Variants in TRPM6 observed in about 807,000 individuals in gnomAD.
TRPM6 encodes the protein transient receptor potential cation channel subfamily M member 6, also known as channel kinase 2.
In TRPM6, 111 loss-of-function variants were observed where a neutral mutation model predicts 247.6. The observed-to-expected ratio is 0.45, with a 90% confidence interval of 0.38 to 0.52. The LOEUF is 0.52. Among genes scored for constraint, TRPM6 ranks in the 20% least tolerant of loss-of-function variants. The pLI is 0.00. For synonymous variants in TRPM6, 892 were observed against 853.8 expected (o/e 1.04, Z -0.78); for missense variants, 2,126 against 2,421.5 (o/e 0.88, Z 2.56).
In TRPM6 at chr9:74,828,357, GA is replaced by G. The variant is rs201267606; in HGVS notation, c.670-409del. On this transcript the variant is annotated intron_variant, in intron 6 of 38. Transcript: ENST00000360774. Reference sequence around the variant, plus strand: ...ACAGAACGAGACTCCGTCTCAAAAAGAAAAAAAAAAAGTATTACTTGCAATT... The same window carrying G: ...ACAGAACGAGACTCCGTCTCAAAAAGAAAAAAAAAAGTATTACTTGCAATT... Among the ~76,000 whole-genome samples, 1,480 of 143,242 alleles carry G rather than the reference GA, an allele frequency of 0.01. 57 individuals carry two copies. In the East Asian group the frequency reaches 0.15, roughly 15 times the overall value. The allele number at this position is 143,242 out of a possible 152,430, so 94.0% of individuals were successfully genotyped here.
At chr9:74,819,180 GC>G (rs1487453922) in intron 9 of TRPM6, among the ~76,000 whole-genome samples, 15 of 152,092 alleles carry the variant, frequency 9.9e-5, no homozygotes, top group South Asian at 6.2e-4. Context: ...ATGGTGGCAT[GC>G]ACCTGTAGTC....
intron 23 of TRPM6, among the ~76,000 whole-genome samples, chr9:74,779,897 GGC>G: frequency 6.6e-6 from 1 of 152,222 alleles, no homozygotes; most frequent in South Asian, 2.1e-4. Flanking sequence ...GTGACGGCTG[GGC>G]GCAGTGGCTC....
intron 21 of TRPM6, 127 bp downstream of exon 21, chr9:74,785,747 T>C (rs750231903): frequency 8.9e-6 from 9 of 1,011,762 alleles, no homozygotes; most frequent in African/African-American, 3.2e-5. Flanking sequence ...ATGTTCTTGA[T>C]CTCCTGACCT....
chr9:74,793,691 G>T (rs1055622410), intron 18 of TRPM6, among the ~76,000 whole-genome samples: 1 of 152,186 alleles, frequency 6.6e-6, no homozygotes, highest in Admixed American at 6.5e-5. Flanking sequence ...TTAGGATTCT[G>T]ACCTTCGATA....
chr9:74,885,974 C>T (rs1831517002), intron 1 of TRPM6, among the ~76,000 whole-genome samples: 1 of 152,120 alleles, frequency 6.6e-6, no homozygotes, highest in Non-Finnish European at 1.5e-5. Context: ...ATATTTCAGG[C>T]ACAGTATTTA....
At chr9:74,744,045 A>T in intron 32 of TRPM6, 50 bp downstream of exon 32, 1 of 1,565,416 alleles carries the variant, frequency 6.4e-7, no homozygotes, top group Non-Finnish European at 8.8e-7. Context: ...CAAATGCAGA[A>T]GCACAGACAT....
intron 21 of TRPM6, among the ~76,000 whole-genome samples, chr9:74,785,039 T>G (rs1827596134): frequency 6.6e-6 from 1 of 151,848 alleles, no homozygotes; most frequent in African/African-American, 2.4e-5. Context: ...CCTGGGAGGG[T>G]GAGGGTGCAG....
chr9:74,730,565 T>A lies in TRPM6; in HGVS notation c.5828+2120A>T, dbSNP rs191090065. ...TAACCCGTGAAAGCACTTGCTTAAATCAGTGCTTCCCAAACTTTAATTTAC... is the reference window on the plus strand; with the variant it reads ...TAACCCGTGAAAGCACTTGCTTAAAACAGTGCTTCCCAAACTTTAATTTAC... On this transcript the variant is annotated intron_variant, in intron 37 of 38. Transcript: ENST00000360774. Among the ~76,000 whole-genome samples the A allele has an allele frequency of 9.7e-4, 148 of 152,306 alleles. 1 individual carries two copies. Among genetic ancestry groups the A allele is most frequent in the Non-Finnish European group, 1.8e-3 (124 of 68,024 alleles).
At chr9:74,748,871 A>C (rs1826140478) in intron 30 of TRPM6, among the ~76,000 whole-genome samples, 1 of 152,184 alleles carries the variant, frequency 6.6e-6, no homozygotes, top group South Asian at 2.1e-4. Context: ...GTGTAGAGTA[A>C]TGTCCTGGGC....
intron 23 of TRPM6, 125 bp downstream of exon 23, chr9:74,782,237 A>G: frequency 1.4e-6 from 1 of 700,248 alleles, no homozygotes; most frequent in Admixed American, 2.8e-5. Flanking sequence ...ATATTTCAAA[A>G]CAATAATAAT....
Position 74,778,508 on chromosome 9 carries a change from C to A in TRPM6, c.3210-2432G>T, listed in dbSNP as rs181173054. Among the ~76,000 whole-genome samples the A allele has an allele frequency of 3.7e-4, 57 of 152,308 alleles. 1 individual carries two copies. Among genetic ancestry groups the A allele is most frequent in the Middle Eastern group, 6.8e-3 (2 of 294 alleles). ...CCTCCATAATAGGCAGGAGAGTTCTCAAAGCAATGTTCCACTGATCCCTGG... is the reference window on the plus strand; with the variant it reads ...CCTCCATAATAGGCAGGAGAGTTCTAAAAGCAATGTTCCACTGATCCCTGG... On this transcript the variant is annotated intron_variant, in intron 23 of 38. Coordinates refer to ENST00000360774, the MANE Select transcript of TRPM6 (RefSeq NM_017662.5).
At chr9:74,747,297 AG>A (rs1302587678) in intron 31 of TRPM6, among the ~76,000 whole-genome samples, 9 of 152,228 alleles carry the variant, frequency 5.9e-5, no homozygotes, top group Non-Finnish European at 1.2e-4. Context: ...GCTGAGGAGA[AG>A]GAATCAACTG....
Position 74,854,818 on chromosome 9 carries a change from C to T in TRPM6, c.152+709G>A, listed in dbSNP as rs76092058. On this transcript the variant is annotated intron_variant, in intron 3 of 38. Coordinates refer to ENST00000360774, the MANE Select transcript of TRPM6 (RefSeq NM_017662.5). ...AGCTGAGTATACAGGCACACACCAA[C>T]AAGTCCCGCTACAATTTTTTGGGTT... Among the ~76,000 whole-genome samples the T allele has an allele frequency of 1.9e-3, 295 of 152,238 alleles. 2 individuals are homozygous for T. The highest frequency in any genetic ancestry group is 6.9e-3 in the African/African-American group (288 of 41,550).
In TRPM6 at chr9:74,782,665, A is replaced by G. The variant is rs757667667; in HGVS notation, c.3094+14T>C. The G allele has an allele frequency of 4.3e-6, 7 of 1,613,916 alleles. No individual in the cohort carries two copies. In the Admixed American group the frequency reaches 1.2e-4, roughly 27 times the overall value. On this transcript the variant is annotated intron_variant, in intron 22 of 38. Transcript: ENST00000360774. Reference sequence around the variant, plus strand: ...AGGCACAATTTCTGCATGACGGTAAAATCCCATACACACCATCTATTTCTC... The same window carrying G: ...AGGCACAATTTCTGCATGACGGTAAGATCCCATACACACCATCTATTTCTC...
chr9:74,812,459 T>C (rs1173938944), intron 11 of TRPM6, 26 bp from the exon 12 acceptor site: 1 of 1,599,140 alleles, frequency 6.3e-7, no homozygotes, highest in African/African-American at 1.4e-5. Flanking sequence ...ATAAGAAATA[T>C]AAAGACAATT....
rs761281576 is a variant in TRPM6, at chr9:74,796,802, A to G, written c.2330T>C (p.Phe777Ser). ...GTCACTGTAATACCACATAAATTGG[A>G]AGTCCTGGGACTGGGGAACATGTGA... ...EMSHVPQSQD[F>S]QFMWYYSDQN... Residue 777 changes from phenylalanine to serine, a missense_variant, in exon 18 of 39, where the codon TTC (phenylalanine) becomes TCC (serine). Phe to Ser is a radical substitution (Grantham distance 155). This residue lies in a region of TRPM6 where 1,082 missense variants were observed against 1,307.9 expected (regional missense o/e 0.83). Transcript: ENST00000360774. 2 of 1,614,068 alleles carry G rather than the reference A, an allele frequency of 1.2e-6. No individual in the cohort carries two copies. The highest frequency in any genetic ancestry group is 4.5e-5 in the East Asian group (2 of 44,874).
At chr9:74,778,192 A>C (rs902416407) in intron 23 of TRPM6, among the ~76,000 whole-genome samples, 1 of 152,156 alleles carries the variant, frequency 6.6e-6, no homozygotes, top group African/African-American at 2.4e-5. Context: ...CACCCCCACC[A>C]GGGGCTTTTC....
At chr9:74,859,195 G>A (rs1830620734) in intron 1 of TRPM6, among the ~76,000 whole-genome samples, 1 of 152,078 alleles carries the variant, frequency 6.6e-6, no homozygotes, top group East Asian at 1.9e-4. Flanking sequence ...GAGAAGAGAT[G>A]TGACTCAGCA....
intron 28 of TRPM6, among the ~76,000 whole-genome samples, chr9:74,753,912 T>C (rs1416652867): frequency 1.3e-5 from 2 of 152,076 alleles, no homozygotes; most frequent in Non-Finnish European, 2.9e-5. Context: ...TAGCTTTACC[T>C]CTCCCTCTGA....
Sources: gnomAD v4.1 joint callset for allele counts (sites outside exome capture counted in the v4.1 genomes callset) on GRCh38, gnomAD v4.1.1 for gene constraint, gnomAD v4.1.1 regional missense constraint, MANE v1.5 for transcripts, NCBI Gene and HGNC (gene_info 2026-07-23, HGNC 2026-07-21) for gene names.